Variants in NEGR1 observed in about 807,000 individuals in gnomAD.
The protein encoded by NEGR1 is IgLON family member 4.
NEGR1 carries 10 observed loss-of-function variants against 40.9 expected under a neutral mutation model. The ratio of observed to expected loss-of-function variants is 0.24; its 90% CI spans 0.15 to 0.42. NEGR1 has a LOEUF of 0.42. NEGR1 is among the 10% of genes least tolerant of loss of function. The pLI is 1.00. For missense variants in NEGR1, 352 were observed against 438.9 expected, an observed-to-expected ratio of 0.80 and a Z score of 1.77; for synonymous variants, 185 against 166.8, an observed-to-expected ratio of 1.11 and a Z score of -0.84.
chr1:72,068,642 G>A (rs1207799945), intron 1 of NEGR1, among the ~76,000 whole-genome samples: 3 of 151,982 alleles, frequency 2.0e-5, no homozygotes, highest in Non-Finnish European at 2.9e-5. Flanking sequence ...GTTTTAAAAA[G>A]GTCACATAAG....
chr1:71,822,915 G>A (rs537295070), intron 2 of NEGR1, among the ~76,000 whole-genome samples: 1 of 152,138 alleles, frequency 6.6e-6, no homozygotes, highest in East Asian at 1.9e-4. Flanking sequence ...AGAACCGCCT[G>A]CTGAAAGCAT....
chr1:71,740,580 G>A (rs750292720), intron 3 of NEGR1, among the ~76,000 whole-genome samples: 10 of 152,134 alleles, frequency 6.6e-5, no homozygotes, highest in Non-Finnish European at 1.2e-4. Flanking sequence ...ACACAGGAAA[G>A]TACAGTGGGG....
At chr1:71,911,487 A>C (rs1228617389) in intron 2 of NEGR1, among the ~76,000 whole-genome samples, 3 of 152,202 alleles carry the variant, frequency 2.0e-5, no homozygotes, top group Non-Finnish European at 4.4e-5. Flanking sequence ...GGGAGTTGTA[A>C]ATAATGCAGA....
At chr1:71,896,639 T>C (rs1570474878) in intron 2 of NEGR1, among the ~76,000 whole-genome samples, 1 of 152,342 alleles carries the variant, frequency 6.6e-6, no homozygotes, top group African/African-American at 2.4e-5. Flanking sequence ...CCTGAAGACA[T>C]ACTCCTATGT....
Position 71,935,248 on chromosome 1 carries a change from C to A in NEGR1, c.240G>T (p.Ala80=), listed in dbSNP as rs376667297. The change falls in exon 2 of 7, where the codon GCG becomes GCT. Residue 80 remains alanine, a synonymous_variant. Transcript: ENST00000357731. ...AWLNRSSIIF[A]GGDKWSVDPR... ...GATCCACTGACCACTTATCACCTCC[C>A]GCAAAAATAATACTTGACCGGTTCA... 3 of 1,613,938 alleles carry A rather than the reference C, an allele frequency of 1.9e-6. No homozygotes were observed. The highest frequency in any genetic ancestry group is 2.5e-6 in the Non-Finnish European group (3 of 1,179,946).
intron 6 of NEGR1, chr1:71,423,062 G>A (rs1339140612): frequency 6.6e-6 from 1 of 151,966 alleles, no homozygotes; most frequent in Non-Finnish European, 1.5e-5. Flanking sequence ...TTTATTTCCT[G>A]ATCACTGAGC....
chr1:71,699,916 T>C (rs1164180422), intron 3 of NEGR1, among the ~76,000 whole-genome samples: 1 of 151,884 alleles, frequency 6.6e-6, no homozygotes, highest in East Asian at 1.9e-4. Flanking sequence ...CTTTTTTCTC[T>C]TCCCGCCATC....
intron 1 of NEGR1, among the ~76,000 whole-genome samples, chr1:72,051,223 T>C (rs1296904409): frequency 2.0e-5 from 3 of 151,640 alleles, no homozygotes; most frequent in Middle Eastern, 3.4e-3. Flanking sequence ...TCACAATTTT[T>C]GATAAGGTAC....
At position 72,274,677 on chromosome 1, in the gene NEGR1, G is replaced by T. The variant is rs904770715; in HGVS notation, c.176+7642C>A. The T allele has an allele frequency of 3.2e-6, 3 of 937,514 alleles. No homozygotes were observed. The African/African-American group carries it at 4.8e-5, about 15-fold the overall frequency. The allele number at this position is 937,514 out of a possible 1,614,324, so 58.1% of individuals were successfully genotyped here. A position where few individuals can be genotyped will look rare whatever the true frequency, so the allele number is the denominator to read the frequency against. On this transcript the variant is annotated intron_variant, in intron 1 of 6. Transcript: ENST00000357731. ...GTGCTATTTATGGAGGTACCTATAT[G>T]CTGAAAAAACCCATTGAAGAAATCA... is the stretch of plus-strand genomic sequence containing the variant.
chr1:72,222,299 G>T (rs1158884065), intron 1 of NEGR1, among the ~76,000 whole-genome samples: 7 of 152,148 alleles, frequency 4.6e-5, no homozygotes. Context: ...AGGCCAGCTT[G>T]CATGAGGACT....
intron 2 of NEGR1, among the ~76,000 whole-genome samples, chr1:71,789,339 TTAG>T (rs1268501942): frequency 6.6e-6 from 1 of 152,178 alleles, no homozygotes; most frequent in Non-Finnish European, 1.5e-5. Flanking sequence ...AAGATCATAA[TTAG>T]TACACAGTAA....
intron 3 of NEGR1, among the ~76,000 whole-genome samples, chr1:71,732,980 T>C (rs899609206): frequency 6.6e-6 from 1 of 151,992 alleles, no homozygotes; most frequent in Non-Finnish European, 1.5e-5. Flanking sequence ...ATTACTGGAC[T>C]TCCAGAGCCT....
At chr1:72,193,188 T>TTG (rs1234195805) in intron 1 of NEGR1, among the ~76,000 whole-genome samples, 1 of 151,822 alleles carries the variant, frequency 6.6e-6, no homozygotes, top group African/African-American at 2.4e-5. Flanking sequence ...TGTACAGCTA[T>TTG]TGTTTTGTCG....
chr1:72,018,805 C>A (rs1288445086), intron 1 of NEGR1, among the ~76,000 whole-genome samples: 2 of 152,072 alleles, frequency 1.3e-5, no homozygotes, highest in African/African-American at 4.8e-5. Context: ...GTTGCACAGT[C>A]AGGGGCCACT....
chr1:71,495,462 G>A (rs1646956395), intron 6 of NEGR1, among the ~76,000 whole-genome samples: 1 of 145,084 alleles, frequency 6.9e-6, no homozygotes, highest in Non-Finnish European at 1.5e-5. Flanking sequence ...GGGCAATAGA[G>A]TGAGACTCCA....
At chr1:71,766,867 A>G (rs1656151788) in intron 3 of NEGR1, among the ~76,000 whole-genome samples, 1 of 151,232 alleles carries the variant, frequency 6.6e-6, no homozygotes, top group African/African-American at 2.4e-5. Context: ...AGAGTGGAGA[A>G]CCTCCCCCTT....
At chr1:72,208,899 G>C (rs1325830303) in intron 1 of NEGR1, among the ~76,000 whole-genome samples, 5 of 151,396 alleles carry the variant, frequency 3.3e-5, no homozygotes, top group African/African-American at 4.8e-5. Flanking sequence ...GAAATGTATT[G>C]CAAGAATTTT....
intron 6 of NEGR1, among the ~76,000 whole-genome samples, chr1:71,445,617 C>A (rs1395465924): frequency 6.6e-6 from 1 of 152,156 alleles, no homozygotes; most frequent in South Asian, 2.1e-4. Context: ...AAACTTCAAT[C>A]TAAACTGCAG....
At chr1:71,531,130 G>T (rs750354690) in intron 6 of NEGR1, among the ~76,000 whole-genome samples, 31 of 151,206 alleles carry the variant, frequency 2.1e-4, no homozygotes, top group Non-Finnish European at 3.6e-4. Context: ...ACCATGGAAA[G>T]ATCTTTTGAT....
Sources: allele counts gnomAD v4.1 joint callset (sites outside exome capture counted in the v4.1 genomes callset), GRCh38; gene constraint gnomAD v4.1.1; transcripts MANE v1.5; gene names NCBI Gene and HGNC (gene_info 2026-07-23, HGNC 2026-07-21).